ADAMTS19: variants seen among roughly 807,000 people sequenced by gnomAD.
The protein encoded by ADAMTS19 is A disintegrin and metalloproteinase with thrombospondin motifs 19.
ADAMTS19 carries 93 observed loss-of-function variants against 153.3 expected under a neutral mutation model. The observed-to-expected ratio is 0.61, with a 90% CI of 0.51 to 0.72. The LOEUF is 0.72. Ranked by LOEUF, ADAMTS19 falls within the 30% of genes least tolerant of loss-of-function variation. ADAMTS19 has a pLI of 0.00. For synonymous variants in ADAMTS19, 600 were observed against 556.6 expected (o/e 1.08, Z -1.10); for missense variants, 1,482 against 1,552.1 (o/e 0.95, Z 0.76).
intron 2 of ADAMTS19, among the ~76,000 whole-genome samples, chr5:129,476,669 G>T (rs1381147694): frequency 6.6e-6 from 1 of 152,182 alleles, no homozygotes; most frequent in Non-Finnish European, 1.5e-5. Context: ...AGTTTCAAGA[G>T]TTGTCTCCAG....
intron 21 of ADAMTS19, among the ~76,000 whole-genome samples, chr5:129,716,283 C>G (rs906183385): frequency 1.3e-5 from 2 of 152,082 alleles, no homozygotes; most frequent in Non-Finnish European, 2.9e-5. Flanking sequence ...CTGCATGCCT[C>G]TGCCTCCTGG....
At chr5:129,523,419 T>G (rs1341339150) in intron 3 of ADAMTS19, among the ~76,000 whole-genome samples, 2 of 152,124 alleles carry the variant, frequency 1.3e-5, no homozygotes, top group Non-Finnish European at 2.9e-5. Context: ...GTGCAAGTTG[T>G]GGAAAGATGA....
chr5:129,480,235 C>T (rs1191079431), intron 2 of ADAMTS19, among the ~76,000 whole-genome samples: 1 of 152,040 alleles, frequency 6.6e-6, no homozygotes, highest in Non-Finnish European at 1.5e-5. Flanking sequence ...AATTTGACAT[C>T]AATATAGGAA....
rs139612230 is a variant in ADAMTS19 at position 129,603,272 on chromosome 5, G to A, written c.1478+6608G>A. Among the ~76,000 whole-genome samples, 5 of 152,260 alleles carry A rather than the reference G, an allele frequency of 3.3e-5. No homozygotes were observed. The East Asian group carries it at 9.7e-4, about 29-fold the overall frequency. On this transcript the variant is annotated intron_variant, in intron 8 of 22. Transcript: ENST00000274487. ...GAAGTTGCGTGTGAGTTGCCAGAAA[G>A]CCATTATTTTTATCTTTGGCCTGAA...
chr5:129,510,578 T>C (rs932945938), intron 3 of ADAMTS19, among the ~76,000 whole-genome samples: 4 of 151,740 alleles, frequency 2.6e-5, no homozygotes, highest in African/African-American at 7.2e-5. Flanking sequence ...GAAAAGCTTC[T>C]GTATTGGGAA....
chr5:129,571,882 A>G (rs1046087668), intron 7 of ADAMTS19, among the ~76,000 whole-genome samples: 1 of 151,842 alleles, frequency 6.6e-6, no homozygotes, highest in Non-Finnish European at 1.5e-5. Context: ...ATTTTCTACA[A>G]AGGTAAAAAG....
intron 21 of ADAMTS19, among the ~76,000 whole-genome samples, chr5:129,723,789 C>A (rs543197278): frequency 6.6e-6 from 1 of 152,102 alleles, no homozygotes; most frequent in Non-Finnish European, 1.5e-5. Flanking sequence ...ATTCTGAGAA[C>A]GTGTACCCAT....
At chr5:129,595,321 C>G (rs1750322372) in intron 7 of ADAMTS19, among the ~76,000 whole-genome samples, 1 of 152,118 alleles carries the variant, frequency 6.6e-6, no homozygotes, top group African/African-American at 2.4e-5. Flanking sequence ...TTCAGAAGTT[C>G]TCTTCTCATC....
At chr5:129,588,060 T>C (rs967683637) in intron 7 of ADAMTS19, among the ~76,000 whole-genome samples, 6 of 152,200 alleles carry the variant, frequency 3.9e-5, no homozygotes, top group African/African-American at 1.4e-4. Context: ...TTCATAGTTG[T>C]TCCCAACAGG....
At chr5:129,608,990 C>G (rs939118219) in intron 8 of ADAMTS19, among the ~76,000 whole-genome samples, 2 of 152,118 alleles carry the variant, frequency 1.3e-5, no homozygotes, top group African/African-American at 4.8e-5. Context: ...ATATGCTCTT[C>G]TAGAAATACA....
Position 129,701,442 on chromosome 5 carries a change from G to A in ADAMTS19, c.3009G>A (p.Gln1003=), listed in dbSNP as rs368141777. 1.2e-6 allele frequency: 2 copies of A among 1,614,108 alleles called. No homozygotes were observed. Among genetic ancestry groups the A allele is most frequent in the African/African-American group, 2.7e-5 (2 of 74,934 alleles). ...PCSRTCGKGM[Q]SRQVACTQQL... is the part of the protein sequence containing the mutation. ...CACGAACTTGTGGAAAAGGAATGCA[G>A]AGCAGACAAGTGGCCTGTACCCAAC... The change falls in exon 20 of 23, where the codon CAG becomes CAA. Residue 1003 remains glutamine, a synonymous_variant. Coordinates refer to ENST00000274487, the MANE Select transcript of ADAMTS19 (RefSeq NM_133638.6).
At chr5:129,462,983 G>A (rs1267007640) in intron 2 of ADAMTS19, among the ~76,000 whole-genome samples, 1 of 152,156 alleles carries the variant, frequency 6.6e-6, no homozygotes, top group Non-Finnish European at 1.5e-5. Context: ...ATAGTCAAAT[G>A]ATGTAAACTG....
At chr5:129,545,580 T>C (rs1242657619) in intron 6 of ADAMTS19, among the ~76,000 whole-genome samples, 2 of 152,012 alleles carry the variant, frequency 1.3e-5, no homozygotes, top group Non-Finnish European at 2.9e-5. Flanking sequence ...AATAAAAACA[T>C]GAACAGACAC....
At position 129,705,628 on chromosome 5, in the gene ADAMTS19, G is replaced by A. The variant is rs564313163; in HGVS notation, c.3312+1237G>A. ...TGAGAAATATTCAGCTCAATCCATG[G>A]GAATTTTGACTGGTGAATCACATAA... On this transcript the variant is annotated intron_variant, in intron 21 of 22. Transcript: ENST00000274487. 6.6e-4 allele frequency among the ~76,000 whole-genome samples: 100 copies of A among 152,234 alleles called. 1 individual carries two copies. The highest frequency in any genetic ancestry group is 3.4e-3 in the Middle Eastern group (1 of 294).
rs149670904 is a variant in ADAMTS19 at position 129,507,867 on chromosome 5, G to T, written c.748-1210G>T. ...AGTGATAAAACTCATTCAATAAAAT[G>T]AGATTGATTAGGATTTTAAGATTTA... On this transcript the variant is annotated intron_variant, in intron 2 of 22. Coordinates refer to ENST00000274487, the MANE Select transcript of ADAMTS19 (RefSeq NM_133638.6). 9.9e-3 allele frequency among the ~76,000 whole-genome samples: 1,512 copies of T among 152,060 alleles called. 27 individuals carry two copies. Among genetic ancestry groups the T allele is most frequent in the African/African-American group, 0.033 (1,383 of 41,506 alleles).
chr5:129,721,707 A>T (rs914611128), intron 21 of ADAMTS19, among the ~76,000 whole-genome samples: 2 of 152,036 alleles, frequency 1.3e-5, no homozygotes, highest in Non-Finnish European at 2.9e-5. Context: ...TCACCTAGAC[A>T]TTAAGCCCTG....
In ADAMTS19 at chr5:129,707,919, A is replaced by C. The variant is rs921787927; in HGVS notation, c.3312+3528A>C. Among the ~76,000 whole-genome samples the C allele has an allele frequency of 5.2e-4, 79 of 152,186 alleles. 1 individual carries two copies. The highest frequency in any genetic ancestry group is 4.4e-5 in the Non-Finnish European group (3 of 68,020). ...ATGAGTCCCTGGGAGAATCAAAAGA[A>C]AATACATCCTTAGATTCTCCCACTG... is the stretch of plus-strand genomic sequence containing the variant. On this transcript the variant is annotated intron_variant, in intron 21 of 22. Coordinates refer to ENST00000274487, the MANE Select transcript of ADAMTS19 (RefSeq NM_133638.6).
chr5:129,588,881 TA>T (rs1343558443), intron 7 of ADAMTS19, among the ~76,000 whole-genome samples: 3 of 151,946 alleles, frequency 2.0e-5, no homozygotes, highest in Admixed American at 2.0e-4. Context: ...TAATATATTT[TA>T]CTTTATTTCT....
chr5:129,615,168 C>A (rs1338489347), intron 8 of ADAMTS19, among the ~76,000 whole-genome samples: 2 of 151,904 alleles, frequency 1.3e-5, no homozygotes, highest in Non-Finnish European at 2.9e-5. Flanking sequence ...ACTTTCTTCA[C>A]AGAATTGGAA....
Sources: allele counts gnomAD v4.1 joint callset (sites outside exome capture counted in the v4.1 genomes callset), GRCh38; gene constraint gnomAD v4.1.1; transcripts MANE v1.5; gene names NCBI Gene and HGNC (gene_info 2026-07-23, HGNC 2026-07-21).